RBFOX1: variants seen among roughly 807,000 people sequenced by gnomAD.
RBFOX1 encodes the protein RNA binding protein fox-1 homolog 1.
RBFOX1 carries 8 observed loss-of-function variants against 57.7 expected under a neutral mutation model. The ratio of observed to expected loss-of-function variants is 0.14; its 90% CI spans 0.08 to 0.25. RBFOX1 has a LOEUF of 0.25. Ranked by LOEUF, RBFOX1 falls within the 10% of genes least tolerant of loss-of-function variation. The pLI, the probability that RBFOX1 is intolerant of heterozygous loss-of-function variation, is 1.00. For missense variants in RBFOX1, 611 were observed against 548.5 expected, an observed-to-expected ratio of 1.11 and a Z score of -1.14; for synonymous variants, 326 against 222.4, an observed-to-expected ratio of 1.47 and a Z score of -4.15.
At chr16:6,951,541 A>G (rs1415849915) in intron 3 of RBFOX1, among the ~76,000 whole-genome samples, 3 of 152,114 alleles carry the variant, frequency 2.0e-5, no homozygotes, top group African/African-American at 7.2e-5. Context: ...GAGTAGGAGC[A>G]GGAATATTGG....
At chr16:7,211,887 G>T (rs906707446) in intron 4 of RBFOX1, among the ~76,000 whole-genome samples, 3 of 152,098 alleles carry the variant, frequency 2.0e-5, no homozygotes, top group Non-Finnish European at 4.4e-5. Flanking sequence ...AATAAAATTA[G>T]AAATGTGCTG....
At chr16:7,429,253 C>A (rs1414679551) in intron 4 of RBFOX1, among the ~76,000 whole-genome samples, 1 of 152,188 alleles carries the variant, frequency 6.6e-6, no homozygotes, top group Admixed American at 6.5e-5. Flanking sequence ...CCCTGCTCAC[C>A]CATCCCCGGC....
intron 3 of RBFOX1, among the ~76,000 whole-genome samples, chr16:5,737,821 T>A (rs1017676294): frequency 2.0e-5 from 3 of 152,164 alleles, no homozygotes; most frequent in African/African-American, 4.8e-5. Flanking sequence ...AGTCTGGTTT[T>A]AAAAATTTGT....
chr16:7,411,665 T>C (rs1259242375), intron 4 of RBFOX1, among the ~76,000 whole-genome samples: 2 of 151,338 alleles, frequency 1.3e-5, no homozygotes, highest in Non-Finnish European at 2.9e-5. Context: ...GCACTTTGGG[T>C]GGCCAAGGTG....
chr16:6,338,435 T>C (rs937391299), intron 2 of RBFOX1, among the ~76,000 whole-genome samples: 7 of 152,214 alleles, frequency 4.6e-5, no homozygotes, highest in Non-Finnish European at 8.8e-5. Flanking sequence ...TCTGGGCGTG[T>C]GCCTAGATGG....
chr16:6,093,071 T>TACCACTGACCCTAAAATAAAAG (rs2096199586), intron 1 of RBFOX1: 3 of 152,052 alleles, frequency 2.0e-5, no homozygotes, highest in Non-Finnish European at 4.4e-5. Flanking sequence ...AAAATAAAAG[T>TACCACTGACCCTAAAATAAAAG]TTAAAAATAT....
chr16:6,638,288 C>T (rs924409595), intron 2 of RBFOX1, among the ~76,000 whole-genome samples: 1 of 152,094 alleles, frequency 6.6e-6, no homozygotes, highest in Non-Finnish European at 1.5e-5. Flanking sequence ...TTCCTATGCT[C>T]ATGTAAGAAT....
intron 4 of RBFOX1, among the ~76,000 whole-genome samples, chr16:7,481,090 G>C (rs953480204): frequency 6.6e-6 from 1 of 152,056 alleles, no homozygotes; most frequent in African/African-American, 2.4e-5. Context: ...CCTTACATCT[G>C]GACAGTTGCC....
intron 4 of RBFOX1, among the ~76,000 whole-genome samples, chr16:5,985,410 T>C (rs2060266896): frequency 6.6e-6 from 1 of 152,172 alleles, no homozygotes; most frequent in East Asian, 1.9e-4. Flanking sequence ...TCCTGTAAGG[T>C]ATAATAGTTG....
intron 1 of RBFOX1, among the ~76,000 whole-genome samples, chr16:5,411,627 G>T (rs1021201781): frequency 6.6e-6 from 1 of 152,174 alleles, no homozygotes; most frequent in African/African-American, 2.4e-5. Flanking sequence ...TTGGCCGGGT[G>T]CAGTGACTGA....
At chr16:7,189,858 C>T (rs1218205058) in intron 4 of RBFOX1, among the ~76,000 whole-genome samples, 1 of 152,180 alleles carries the variant, frequency 6.6e-6, no homozygotes, top group Non-Finnish European at 1.5e-5. Context: ...ATCTTGATCG[C>T]CTTTATGTCT....
chr16:6,268,013 A>C (rs1246198975), intron 1 of RBFOX1, among the ~76,000 whole-genome samples: 1 of 152,180 alleles, frequency 6.6e-6, no homozygotes, highest in Non-Finnish European at 1.5e-5. Flanking sequence ...TTTGTTATTA[A>C]ATTCTCATAA....
chr16:7,430,893 C>A (rs1237204628), intron 4 of RBFOX1, among the ~76,000 whole-genome samples: 1 of 152,160 alleles, frequency 6.6e-6, no homozygotes, highest in Non-Finnish European at 1.5e-5. Context: ...TATGATGTGA[C>A]TGGAAAAGAA....
chr16:6,314,932 T>C (rs1223881309), intron 1 of RBFOX1, among the ~76,000 whole-genome samples: 2 of 152,228 alleles, frequency 1.3e-5, no homozygotes, highest in Non-Finnish European at 2.9e-5. Flanking sequence ...CTTTACGATG[T>C]CAGCTCCGTT....
At chr16:6,474,365 T>C (rs2153084799) in intron 2 of RBFOX1, among the ~76,000 whole-genome samples, 2 of 152,302 alleles carry the variant, frequency 1.3e-5, no homozygotes, top group South Asian at 4.1e-4. Flanking sequence ...GGAAAAAGAC[T>C]CTTTTCCTGT....
intron 4 of RBFOX1, among the ~76,000 whole-genome samples, chr16:7,374,416 G>C (rs1450574589): frequency 6.6e-6 from 1 of 152,118 alleles, no homozygotes; most frequent in Non-Finnish European, 1.5e-5. Context: ...AGTTATGCTG[G>C]ATTATTCTGC....
At position 7,252,987 on chromosome 16, in the gene RBFOX1, C is replaced by T. The variant is rs1328622147; in HGVS notation, c.27+200889C>T. Among the ~76,000 whole-genome samples the T allele has an allele frequency of 5.3e-5, 8 of 152,272 alleles. No individual in the cohort carries two copies. The South Asian group carries it at 1.5e-3, about 28-fold the overall frequency. The stretch of plus-strand genomic sequence containing the variant: ...GCATGCACATATGTTAAAGGAAGTT[C>T]AGCATCTTGAGCCTCTGATAATAAG... On this transcript the variant is annotated intron_variant, in intron 4 of 15. Coordinates refer to ENST00000550418, the MANE Select transcript of RBFOX1 (RefSeq NM_018723.4).
At chr16:7,234,196 G>A (rs892396601) in intron 4 of RBFOX1, among the ~76,000 whole-genome samples, 1 of 152,132 alleles carries the variant, frequency 6.6e-6, no homozygotes, top group Non-Finnish European at 1.5e-5. Flanking sequence ...GTGGCATGTT[G>A]CAGAGGGACA....
chr16:6,361,022 C>G (rs2152868037), intron 2 of RBFOX1, among the ~76,000 whole-genome samples: 1 of 151,970 alleles, frequency 6.6e-6, no homozygotes, highest in Admixed American at 6.6e-5. Flanking sequence ...TCTGAAATGA[C>G]CAAGCTGAGC....
Sources: allele counts gnomAD v4.1 joint callset (sites outside exome capture counted in the v4.1 genomes callset), GRCh38; gene constraint gnomAD v4.1.1; transcripts MANE v1.5; gene names NCBI Gene and HGNC (gene_info 2026-07-23, HGNC 2026-07-21).